The following C8orf34 variants were observed in gnomAD, a reference collection of about 807,000 sequenced individuals.
C8orf34 encodes uncharacterized protein C8orf34.
Under a neutral mutation model 68.3 loss-of-function variants are expected in C8orf34, and 65 were observed. That is an observed-to-expected ratio of 0.95 (90% confidence interval 0.78 to 1.17). The LOEUF is 1.17. Among genes scored for constraint, C8orf34 ranks in the 50% most tolerant of loss-of-function variants. The pLI is 0.00. For missense variants in C8orf34, 664 were observed against 655.4 expected (o/e 1.01, Z -0.14); for synonymous variants, 244 against 241.2 (o/e 1.01, Z -0.11).
intron 6 of C8orf34, among the ~76,000 whole-genome samples, chr8:68,528,102 C>T (rs917188440): frequency 3.3e-5 from 5 of 152,150 alleles, no homozygotes; most frequent in African/African-American, 1.2e-4. Context: ...TTCAAATGTC[C>T]GGCTCCTGTA....
intron 7 of C8orf34, among the ~76,000 whole-genome samples, chr8:68,636,806 A>G (rs527820759): frequency 6.6e-6 from 1 of 152,192 alleles, no homozygotes; most frequent in South Asian, 2.1e-4. Context: ...GTGGCCACAT[A>G]CAAGCATTTA....
intron 7 of C8orf34, among the ~76,000 whole-genome samples, chr8:68,536,907 A>G (rs144121439): frequency 2.6e-4 from 39 of 152,262 alleles, no homozygotes; most frequent in African/African-American, 9.4e-4. Flanking sequence ...AACAAGTGTA[A>G]TTATACTGGG....
intron 1 of C8orf34, among the ~76,000 whole-genome samples, chr8:68,373,689 C>CA (rs1007282344): frequency 1.3e-5 from 2 of 151,720 alleles, no homozygotes; most frequent in African/African-American, 2.4e-5. Flanking sequence ...AGCATATGGC[C>CA]AAAAAAATAA....
intron 7 of C8orf34, among the ~76,000 whole-genome samples, chr8:68,585,321 T>C (rs1817178007): frequency 6.6e-6 from 1 of 151,944 alleles, no homozygotes; most frequent in Non-Finnish European, 1.5e-5. Flanking sequence ...AAAAAAGCTT[T>C]GAAAGGTAGG....
intron 8 of C8orf34, among the ~76,000 whole-genome samples, chr8:68,706,226 A>T (rs189198797): frequency 6.6e-6 from 1 of 152,330 alleles, no homozygotes; most frequent in Admixed American, 6.5e-5. Context: ...ATAGGTTTGG[A>T]GTCTGCCTTC....
chr8:68,468,920 T>A, intron 4 of C8orf34, 100 bp downstream of exon 4: 1 of 1,301,594 alleles, frequency 7.7e-7, no homozygotes, highest in Non-Finnish European at 1.1e-6. Flanking sequence ...ATCCTCATTC[T>A]AATTCTGCAA....
Position 68,456,242 on chromosome 8 carries a change from C to T in C8orf34, c.607+9782C>T, listed in dbSNP as rs556739490. Among the ~76,000 whole-genome samples the T allele has an allele frequency of 2.2e-3, 324 of 150,468 alleles. 1 individual carries two copies. The highest frequency in any genetic ancestry group is 7.1e-3 in the African/African-American group (290 of 40,814). On this transcript the variant is annotated intron_variant, in intron 3 of 13. Coordinates refer to ENST00000518698, the MANE Select transcript of C8orf34 (RefSeq NM_052958.4). ...CTGCACTCCAGCCTGGGTGACAGAG[C>T]GACACTCTGTCTGAAAAAAAAAAAA...
chr8:68,576,797 C>T (rs1043427430), intron 7 of C8orf34, among the ~76,000 whole-genome samples: 1 of 151,670 alleles, frequency 6.6e-6, no homozygotes, highest in Non-Finnish European at 1.5e-5. Flanking sequence ...CTTTTTCTTT[C>T]CACATTTGTA....
intron 10 of C8orf34, among the ~76,000 whole-genome samples, chr8:68,727,500 G>A (rs1041722860): frequency 6.6e-6 from 1 of 152,222 alleles, no homozygotes; most frequent in African/African-American, 2.4e-5. Flanking sequence ...GCTCCACTAT[G>A]TGGTGCCCCA....
chr8:68,738,508 G>A (rs959559063), intron 10 of C8orf34, among the ~76,000 whole-genome samples: 1 of 151,928 alleles, frequency 6.6e-6, no homozygotes, highest in East Asian at 1.9e-4. Flanking sequence ...TCAGGAGTTG[G>A]TTTTTTGAAA....
chr8:68,490,464 T>C (rs1006418674), intron 5 of C8orf34, among the ~76,000 whole-genome samples: 5 of 152,132 alleles, frequency 3.3e-5, no homozygotes, highest in African/African-American at 1.2e-4. Context: ...CAGTTAAGTG[T>C]CAGCCTCAGG....
chr8:68,796,086 C>T (rs1318505160), intron 12 of C8orf34, among the ~76,000 whole-genome samples: 1 of 152,190 alleles, frequency 6.6e-6, no homozygotes, highest in Non-Finnish European at 1.5e-5. Flanking sequence ...TTCACAGCCA[C>T]TGTCATTGTG....
chr8:68,657,720 C>T (rs1032239728), intron 8 of C8orf34, among the ~76,000 whole-genome samples: 1 of 152,170 alleles, frequency 6.6e-6, no homozygotes, highest in Non-Finnish European at 1.5e-5. Context: ...AAAAAGGCAA[C>T]AACATATCTG....
chr8:68,551,879 C>G (rs1283027293), intron 7 of C8orf34, among the ~76,000 whole-genome samples: 3 of 152,062 alleles, frequency 2.0e-5, no homozygotes, highest in Non-Finnish European at 1.5e-5. Flanking sequence ...CCCATGATTT[C>G]TGTTGAGTTC....
At chr8:68,596,504 C>T (rs1272551746) in intron 7 of C8orf34, among the ~76,000 whole-genome samples, 1 of 152,086 alleles carries the variant, frequency 6.6e-6, no homozygotes, top group Non-Finnish European at 1.5e-5. Context: ...TGTGTTCTCG[C>T]AGAACACATG....
chr8:68,553,399 A>C lies in C8orf34; in HGVS notation c.1105+20250A>C, dbSNP rs1008473047. 3.1e-4 allele frequency among the ~76,000 whole-genome samples: 45 copies of C among 147,518 alleles called. 1 individual carries two copies. Among genetic ancestry groups the C allele is most frequent in the Admixed American group, 1.6e-3 (24 of 14,760 alleles). On this transcript the variant is annotated intron_variant, in intron 7 of 13. Transcript: ENST00000518698. ...GACTCCATCTCAAAAAAAAAAAAAAAAAAAAAAAAAACATATCCTCCACTC... is the reference window on the plus strand; with the variant it reads ...GACTCCATCTCAAAAAAAAAAAAAACAAAAAAAAAAACATATCCTCCACTC...
intron 8 of C8orf34, among the ~76,000 whole-genome samples, chr8:68,647,742 A>G (rs1819221913): frequency 1.3e-5 from 2 of 152,344 alleles, no homozygotes; most frequent in South Asian, 2.1e-4. Flanking sequence ...AGAAATAAAG[A>G]AAAATAGAAG....
At chr8:68,455,885 A>C (rs1563452678) in intron 3 of C8orf34, among the ~76,000 whole-genome samples, 1 of 152,034 alleles carries the variant, frequency 6.6e-6, no homozygotes, top group African/African-American at 2.4e-5. Flanking sequence ...AAGGAAAAAG[A>C]CATAAATATT....
chr8:68,685,856 G>C (rs902383095), intron 8 of C8orf34, among the ~76,000 whole-genome samples: 1 of 149,012 alleles, frequency 6.7e-6, no homozygotes, highest in African/African-American at 2.5e-5. Flanking sequence ...CAGCCTGGGT[G>C]ACAGAGTGAG....
Sources: gnomAD v4.1 joint callset for allele counts (sites outside exome capture counted in the v4.1 genomes callset) on GRCh38, gnomAD v4.1.1 for gene constraint, MANE v1.5 for transcripts, NCBI Gene and HGNC (gene_info 2026-07-23, HGNC 2026-07-21) for gene names.